Variants in TRDN observed in about 807,000 individuals in gnomAD.
TRDN encodes the protein triadin.
Under a neutral mutation model 149.7 loss-of-function variants are expected in TRDN, and 161 were observed. The ratio of observed to expected loss-of-function variants is 1.08; its 90% CI spans 0.95 to 1.23. The LOEUF is 1.23. Ranked by LOEUF, TRDN falls within the 50% of genes most tolerant of loss-of-function variation. The pLI, the probability that TRDN is intolerant of heterozygous loss-of-function variation, is 0.00. For synonymous variants in TRDN, 294 were observed against 250.5 expected, an observed-to-expected ratio of 1.17 and a Z score of -1.64; for missense variants, 896 against 823.5, an observed-to-expected ratio of 1.09 and a Z score of -1.08.
At chr6:123,461,336 G>T (rs1023905256) in intron 10 of TRDN, among the ~76,000 whole-genome samples, 1 of 152,154 alleles carries the variant, frequency 6.6e-6, no homozygotes, top group Non-Finnish European at 1.5e-5. Context: ...ATAATTGCAA[G>T]ACTAAGTACT....
intron 20 of TRDN, among the ~76,000 whole-genome samples, chr6:123,365,557 T>C (rs1047704280): frequency 2.5e-4 from 38 of 152,168 alleles, no homozygotes; most frequent in African/African-American, 8.2e-4. Flanking sequence ...AGGGTATGTG[T>C]GCAGGTTTGC....
chr6:123,226,014 A>G (rs1319532174), intron 38 of TRDN, among the ~76,000 whole-genome samples: 1 of 151,878 alleles, frequency 6.6e-6, no homozygotes, highest in Admixed American at 6.6e-5. Flanking sequence ...TTCGTCTAAC[A>G]GGAAAGCAAT....
At chr6:123,560,235 C>T (rs758025684) in intron 2 of TRDN, among the ~76,000 whole-genome samples, 40 of 152,142 alleles carry the variant, frequency 2.6e-4, no homozygotes, top group Non-Finnish European at 5.0e-4. Context: ...TCACACCGGA[C>T]GCATATACTT....
At chr6:123,221,904 A>T (rs1193562212) in intron 39 of TRDN, among the ~76,000 whole-genome samples, 3 of 151,748 alleles carry the variant, frequency 2.0e-5, no homozygotes, top group African/African-American at 7.2e-5. Context: ...TGAACATTTT[A>T]GTCAAAATAA....
At position 123,382,123 on chromosome 6, in the gene TRDN, G is replaced by C. The variant is rs1378722891; in HGVS notation, c.1160C>G (p.Ala387Gly). Residue 387 changes from alanine to glycine, a missense_variant, in exon 15 of 41, where the codon GCA becomes GGA. Physicochemically the swap from Ala to Gly is moderately conservative, Grantham distance 60. Transcript: ENST00000334268. ...KEDSKKTKKP[A>G]EVEQPKGKKQ... ...AAAAGAAATATGTCCAGTACCTTCT[G>C]CAGGTTTTTTTGTTTTCTTGGAATC... 6.7e-7 allele frequency: 1 copy of C among 1,495,634 alleles called. No homozygotes were observed. Among genetic ancestry groups the C allele is most frequent in the African/African-American group, 1.4e-5 (1 of 69,412 alleles). The allele number at this position is 1,495,634 out of a possible 1,614,324, so 92.6% of individuals were successfully genotyped here.
At chr6:123,570,834 A>T in intron 2 of TRDN, 89 bp downstream of exon 2, 1 of 1,241,956 alleles carries the variant, frequency 8.1e-7, no homozygotes, top group Non-Finnish European at 1.1e-6. Flanking sequence ...CACTAAGATG[A>T]AACAGAAACC....
chr6:123,622,191 T>G (rs189350861), intron 1 of TRDN, among the ~76,000 whole-genome samples: 338 of 152,198 alleles, frequency 2.2e-3, no homozygotes, highest in African/African-American at 7.7e-3. Context: ...AAGGTCTTTA[T>G]GATGATCCAG....
At chr6:123,347,051 C>T (rs1318104979) in intron 21 of TRDN, among the ~76,000 whole-genome samples, 7 of 151,912 alleles carry the variant, frequency 4.6e-5, no homozygotes, top group Middle Eastern at 3.4e-3. Context: ...GAATGGAGAA[C>T]GTGGGGTAGA....
intron 1 of TRDN, among the ~76,000 whole-genome samples, chr6:123,576,133 AT>A (rs1276342529): frequency 6.6e-6 from 1 of 152,164 alleles, no homozygotes; most frequent in East Asian, 1.9e-4. Flanking sequence ...TAAGAACATA[AT>A]TCCCAATCAC....
chr6:123,281,373 T>G (rs1777579839), intron 24 of TRDN, among the ~76,000 whole-genome samples: 1 of 152,072 alleles, frequency 6.6e-6, no homozygotes, highest in South Asian at 2.1e-4. Context: ...CCTACTGCTC[T>G]TAACATGCAC....
chr6:123,557,475 T>C (rs1781733510), intron 2 of TRDN, among the ~76,000 whole-genome samples: 1 of 152,098 alleles, frequency 6.6e-6, no homozygotes, highest in African/African-American at 2.4e-5. Context: ...CTTTCTCCTT[T>C]CAATCTTGGC....
At chr6:123,347,242 G>A (rs141744929) in intron 21 of TRDN, among the ~76,000 whole-genome samples, 24 of 152,160 alleles carry the variant, frequency 1.6e-4, no homozygotes, top group African/African-American at 4.6e-4. Flanking sequence ...AATATAGTAC[G>A]TACTGAAAAA....
At chr6:123,452,965 G>T (rs1195684212) in intron 10 of TRDN, among the ~76,000 whole-genome samples, 1 of 150,620 alleles carries the variant, frequency 6.6e-6, no homozygotes, top group African/African-American at 2.4e-5. Context: ...ACAGCCAACT[G>T]ATCTTCGAAA....
At chr6:123,608,105 G>A (rs1784604607) in intron 1 of TRDN, among the ~76,000 whole-genome samples, 1 of 152,060 alleles carries the variant, frequency 6.6e-6, no homozygotes, top group African/African-American at 2.4e-5. Flanking sequence ...AGGAGCCTGA[G>A]ATAAATGTGA....
intron 20 of TRDN, among the ~76,000 whole-genome samples, chr6:123,362,727 T>C (rs1305161028): frequency 6.6e-6 from 1 of 152,168 alleles, no homozygotes; most frequent in Non-Finnish European, 1.5e-5. Flanking sequence ...TGAAATATGG[T>C]AATACAAAAA....
intron 12 of TRDN, among the ~76,000 whole-genome samples, chr6:123,424,767 T>C (rs1342059818): frequency 6.6e-6 from 1 of 152,164 alleles, no homozygotes; most frequent in Non-Finnish European, 1.5e-5. Flanking sequence ...AGTTGATGAA[T>C]AGCCTTTTAC....
At chr6:123,380,946 G>A (rs542144488) in intron 16 of TRDN, among the ~76,000 whole-genome samples, 1 of 151,900 alleles carries the variant, frequency 6.6e-6, no homozygotes, top group African/African-American at 2.4e-5. Context: ...ATATCACATG[G>A]GCATGCCAAA....
chr6:123,521,586 T>A (rs1779684840), intron 5 of TRDN, among the ~76,000 whole-genome samples: 1 of 152,148 alleles, frequency 6.6e-6, no homozygotes, highest in African/African-American at 2.4e-5. Context: ...AAACCTTGAC[T>A]TTGGACTTCC....
chr6:123,342,874 G>A (rs917056374), intron 21 of TRDN, among the ~76,000 whole-genome samples: 1 of 152,012 alleles, frequency 6.6e-6, no homozygotes, highest in Non-Finnish European at 1.5e-5. Flanking sequence ...CAAATCATAT[G>A]TCTGAAGCAG....
Sources: allele counts gnomAD v4.1 joint callset (sites outside exome capture counted in the v4.1 genomes callset), GRCh38; gene constraint gnomAD v4.1.1; transcripts MANE v1.5; gene names NCBI Gene and HGNC (gene_info 2026-07-23, HGNC 2026-07-21).